CABIN1: variants seen among roughly 807,000 people sequenced by gnomAD.
The protein encoded by CABIN1 is calcineurin-binding protein cabin-1.
Under a neutral mutation model 227.7 loss-of-function variants are expected in CABIN1, and 133 were observed. That is an observed-to-expected ratio of 0.58 (90% CI 0.51 to 0.67). The LOEUF is 0.67. Ranked by LOEUF, CABIN1 falls within the 30% of genes least tolerant of loss-of-function variation. The pLI, the probability that CABIN1 is intolerant of heterozygous loss-of-function variation, is 0.00. For missense variants in CABIN1, 2,408 were observed against 2,852.5 expected (o/e 0.84, Z 3.55); for synonymous variants, 1,086 against 1,155.1 (o/e 0.94, Z 1.21).
At chr22:24,045,279 C>G (rs1403494087) in intron 6 of CABIN1, among the ~76,000 whole-genome samples, 1 of 152,024 alleles carries the variant, frequency 6.6e-6, no homozygotes, top group Non-Finnish European at 1.5e-5. Flanking sequence ...CAGTGTACAC[C>G]TCGAAACTCT....
intron 29 of CABIN1, among the ~76,000 whole-genome samples, chr22:24,158,451 T>C (rs1352118910): frequency 6.6e-6 from 1 of 152,216 alleles, no homozygotes; most frequent in Non-Finnish European, 1.5e-5. Context: ...CCCACTTCAC[T>C]GTGCAGTGAA....
chr22:24,082,276 G>A (rs1358274683), intron 19 of CABIN1, among the ~76,000 whole-genome samples: 2 of 151,944 alleles, frequency 1.3e-5, no homozygotes, highest in African/African-American at 2.4e-5. Context: ...TTTTTGTAGA[G>A]ACAGAGTCTC....
intron 6 of CABIN1, among the ~76,000 whole-genome samples, chr22:24,048,354 C>T (rs2038056051): frequency 6.6e-6 from 1 of 152,138 alleles, no homozygotes; most frequent in Non-Finnish European, 1.5e-5. Context: ...GGCTGCTTGG[C>T]AACCTATTGT....
intron 26 of CABIN1, among the ~76,000 whole-genome samples, chr22:24,111,277 A>G (rs1392755834): frequency 6.6e-6 from 1 of 152,212 alleles, no homozygotes; most frequent in African/African-American, 2.4e-5. Context: ...AAAATCATCT[A>G]ACACGGGGGT....
At chr22:24,094,864 C>G (rs1367056520) in intron 24 of CABIN1, among the ~76,000 whole-genome samples, 1 of 150,868 alleles carries the variant, frequency 6.6e-6, no homozygotes, top group Non-Finnish European at 1.5e-5. Flanking sequence ...AATGACATTT[C>G]TCTGAAGATT....
In CABIN1 at chr22:24,038,227, G is replaced by A. The variant is rs566185568; in HGVS notation, c.97-121G>A. On this transcript the variant is annotated intron_variant, in intron 3 of 36. Transcript: ENST00000263119. The stretch of plus-strand genomic sequence containing the variant: ...AAGTTGGGAGGTGGGGGAGCTGAAA[G>A]TTCCAGCTATCTAATCACATGGTTG... 7.5e-5 allele frequency: 57 copies of A among 758,338 alleles called. 2 individuals carry two copies. The highest frequency in any genetic ancestry group is 6.7e-4 in the South Asian group (48 of 71,230). 47.0% of individuals were successfully genotyped at this position (758,338 alleles called of 1,614,324 possible). A position where few individuals can be genotyped will look rare whatever the true frequency, so the allele number is the denominator to read the frequency against.
chr22:24,061,427 ACCT>A (rs1232013520), intron 12 of CABIN1, among the ~76,000 whole-genome samples: 1 of 152,158 alleles, frequency 6.6e-6, no homozygotes. Context: ...CCTCAGGGCA[ACCT>A]CCTGGCAGCT....
At chr22:24,144,550 C>T (rs2044988446) in intron 29 of CABIN1, among the ~76,000 whole-genome samples, 1 of 152,274 alleles carries the variant, frequency 6.6e-6, no homozygotes, top group African/African-American at 2.4e-5. Flanking sequence ...CTCACAGTGT[C>T]TTTTGAGAAG....
intron 7 of CABIN1, among the ~76,000 whole-genome samples, chr22:24,050,406 G>GT (rs1394299072): frequency 6.6e-6 from 1 of 152,184 alleles, no homozygotes; most frequent in Admixed American, 6.5e-5. Flanking sequence ...TGCCCTTTCT[G>GT]TATTTTTGGG....
chr22:24,133,788 C>A (rs2148184384), intron 28 of CABIN1, among the ~76,000 whole-genome samples: 1 of 152,316 alleles, frequency 6.6e-6, no homozygotes, highest in Non-Finnish European at 1.5e-5. Context: ...CACCCTCTTA[C>A]CCTACACCAT....
At chr22:24,147,692 C>T (rs995882741) in intron 29 of CABIN1, among the ~76,000 whole-genome samples, 1 of 151,954 alleles carries the variant, frequency 6.6e-6, no homozygotes, top group African/African-American at 2.4e-5. Context: ...AATACTTCTT[C>T]CTTAGCCTCC....
intron 1 of CABIN1, among the ~76,000 whole-genome samples, chr22:24,020,185 G>A (rs2035619375): frequency 6.6e-6 from 1 of 152,082 alleles, no homozygotes; most frequent in African/African-American, 2.4e-5. Flanking sequence ...GTATTTTCCT[G>A]AGTATTTTTT....
intron 28 of CABIN1, among the ~76,000 whole-genome samples, chr22:24,123,430 G>GC (rs2043538331): frequency 6.6e-6 from 1 of 152,226 alleles, no homozygotes; most frequent in Non-Finnish European, 1.5e-5. Flanking sequence ...GGGCCACTGA[G>GC]CTCATTCTAG....
intron 15 of CABIN1, among the ~76,000 whole-genome samples, chr22:24,065,559 G>A (rs1449540731): frequency 2.6e-5 from 4 of 151,148 alleles, no homozygotes; most frequent in South Asian, 2.1e-4. Context: ...CATCCCAGAC[G>A]ATGGCGGCCA....
chr22:24,058,816 C>G (rs1416428119), intron 10 of CABIN1, among the ~76,000 whole-genome samples: 1 of 152,210 alleles, frequency 6.6e-6, no homozygotes, highest in Admixed American at 6.5e-5. Context: ...AAAGCAGGGC[C>G]CTTTTGACCC....
chr22:24,168,594 T>C (rs768229846), intron 33 of CABIN1, 73 bp downstream of exon 33: 1 of 1,202,106 alleles, frequency 8.3e-7, no homozygotes, highest in Non-Finnish European at 1.2e-6. Context: ...GGATGCAGGC[T>C]GAGAAGCAGA....
chr22:24,130,390 G>T (rs1046610724), intron 28 of CABIN1, among the ~76,000 whole-genome samples: 1 of 152,188 alleles, frequency 6.6e-6, no homozygotes, highest in Non-Finnish European at 1.5e-5. Context: ...GCCTGGACCA[G>T]AGTCCAGGGA....
chr22:24,064,271 T>C, intron 15 of CABIN1, 84 bp downstream of exon 15: 2 of 1,447,312 alleles, frequency 1.4e-6, no homozygotes. Context: ...AATAGTGCAA[T>C]CTCGGCTCAC....
At chr22:24,093,682 T>A (rs781683670) in intron 24 of CABIN1, among the ~76,000 whole-genome samples, 8 of 151,944 alleles carry the variant, frequency 5.3e-5, no homozygotes, top group Non-Finnish European at 1.2e-4. Flanking sequence ...TCTCAGAGAC[T>A]AGCGGGCAAC....
Sources: allele counts gnomAD v4.1 joint callset (sites outside exome capture counted in the v4.1 genomes callset), GRCh38; gene constraint gnomAD v4.1.1; transcripts MANE v1.5; gene names NCBI Gene and HGNC (gene_info 2026-07-23, HGNC 2026-07-21).